FGF18: variants seen among roughly 807,000 people sequenced by gnomAD.
FGF18 encodes the protein fibroblast growth factor 18.
A neutral mutation model predicts 23.0 loss-of-function variants in FGF18; 5 were observed. That is an observed-to-expected ratio of 0.22 (90% CI 0.11 to 0.46). The LOEUF is 0.46. Among genes scored for constraint, FGF18 ranks in the 20% least tolerant of loss-of-function variants. The probability of loss-of-function intolerance (pLI) is 0.99; values close to 1 mark genes in which losing one functional copy is unlikely to be tolerated. For missense variants in FGF18, 180 were observed against 291.6 expected (o/e 0.62, Z 2.79); for synonymous variants, 117 against 118.9 (o/e 0.98, Z 0.10).
intron 4 of FGF18, among the ~76,000 whole-genome samples, chr5:171,452,437 G>A (rs763163484): frequency 1.3e-5 from 2 of 152,182 alleles, no homozygotes; most frequent in African/African-American, 2.4e-5. Flanking sequence ...CTTTCCAGAG[G>A]TTGCAGGCCC....
rs1218727275 is a variant in FGF18, at chr5:171,420,124, A to C, written c.-76A>C. 12 of 1,231,836 alleles carry C rather than the reference A, an allele frequency of 9.7e-6. No individual in the cohort carries two copies. Among genetic ancestry groups the C allele is most frequent in the South Asian group, 2.7e-5 (1 of 36,706 alleles). 76.3% of individuals were successfully genotyped at this position (1,231,836 alleles called of 1,614,324 possible). A position where few individuals can be genotyped will look rare whatever the true frequency, so the allele number is the denominator to read the frequency against. The stretch of plus-strand genomic sequence containing the variant: ...GCGGCGGCGGCGGCGGCGGCGGCGG[A>C]GGCGCCCGGTCCCGGCCGCGCGGAG... On this transcript the variant is annotated 5_prime_UTR_variant, in exon 1 of 5. Coordinates refer to ENST00000274625, the MANE Select transcript of FGF18 (RefSeq NM_003862.3).
intron 3 of FGF18, among the ~76,000 whole-genome samples, chr5:171,443,491 T>A (rs140715996): frequency 1.1e-4 from 15 of 139,614 alleles, no homozygotes; most frequent in South Asian, 2.4e-4. Flanking sequence ...AAGTATTCAC[T>A]GTTATCATCA....
At chr5:171,442,482 T>C (rs1271856318) in intron 3 of FGF18, among the ~76,000 whole-genome samples, 1 of 152,180 alleles carries the variant, frequency 6.6e-6, no homozygotes, top group Non-Finnish European at 1.5e-5. Flanking sequence ...CTGTCAGCAC[T>C]GGGATCTTTG....
At position 171,456,949 on chromosome 5, in the gene FGF18, A is replaced by C; in HGVS notation, c.*144A>C. On this transcript the variant is annotated 3_prime_UTR_variant, in exon 5 of 5. Coordinates refer to ENST00000274625, the MANE Select transcript of FGF18 (RefSeq NM_003862.3). The surrounding 1 kb of genome is among the most constrained non-coding windows in gnomAD (Gnocchi z 6.1). Reference sequence around the variant, plus strand: ...TTAAAAGAAGACAAAAACTGAACCAAAACTCTTGGGGGGAGGGGTGATAAG... The same window carrying C: ...TTAAAAGAAGACAAAAACTGAACCACAACTCTTGGGGGGAGGGGTGATAAG... The C allele has an allele frequency of 1.9e-6, 2 of 1,071,308 alleles. No individual in the cohort carries two copies. Among genetic ancestry groups the C allele is most frequent in the Non-Finnish European group, 2.6e-6 (2 of 766,450 alleles). 66.4% of individuals were successfully genotyped at this position (1,071,308 alleles called of 1,614,324 possible). A position where few individuals can be genotyped will look rare whatever the true frequency, so the allele number is the denominator to read the frequency against.
chr5:171,430,412 A>G (rs1215015270), intron 2 of FGF18, among the ~76,000 whole-genome samples: 1 of 152,064 alleles, frequency 6.6e-6, no homozygotes, highest in Non-Finnish European at 1.5e-5. Context: ...TGGGCATTAC[A>G]TAGGAAGACA....
intron 2 of FGF18, among the ~76,000 whole-genome samples, chr5:171,423,209 C>T (rs1301221649): frequency 2.0e-5 from 3 of 152,222 alleles, no homozygotes; most frequent in East Asian, 1.9e-4. Flanking sequence ...CGCCCTCACC[C>T]GCTGGCCACC....
At chr5:171,448,374 C>T (rs1772448020) in intron 3 of FGF18, among the ~76,000 whole-genome samples, 1 of 152,200 alleles carries the variant, frequency 6.6e-6, no homozygotes, top group South Asian at 2.1e-4. Context: ...TCGCACCTCA[C>T]TCCCTGTGCC....
At position 171,456,485 on chromosome 5, in the gene FGF18, G is replaced by A. The variant is rs969938257; in HGVS notation, c.358-54G>A. On this transcript the variant is annotated intron_variant, in intron 4 of 4. Coordinates refer to ENST00000274625, the MANE Select transcript of FGF18 (RefSeq NM_003862.3). This position sits in a 1 kb window ranked among gnomAD's most constrained non-coding sequence, Gnocchi z 6.1. ...ATAAAACCTTCCTCGCTGTGCTTTG[G>A]CAAGCATAACTGAGTCATTTTTTTC... 8.3e-6 allele frequency: 13 copies of A among 1,559,316 alleles called. No homozygotes were observed. In the Admixed American group the frequency reaches 1.8e-4, roughly 21 times the overall value.
intron 3 of FGF18, among the ~76,000 whole-genome samples, chr5:171,437,612 C>T (rs1772270280): frequency 6.6e-6 from 1 of 152,218 alleles, no homozygotes; most frequent in African/African-American, 2.4e-5. Flanking sequence ...CACAGCTTCC[C>T]TCCTCCCCAC....
At position 171,447,853 on chromosome 5, in the gene FGF18, C is replaced by T. The variant is rs1255963372; in HGVS notation, c.251-1294C>T. Among the ~76,000 whole-genome samples the T allele has an allele frequency of 2.0e-5, 3 of 152,020 alleles. No homozygotes were observed. The East Asian group carries it at 5.8e-4, about 29-fold the overall frequency. On this transcript the variant is annotated intron_variant, in intron 3 of 4. Transcript: ENST00000274625. ...CAAGTCCCTTGTCACTGAAATTAAA[C>T]TTTTGTGGGTGAGGGAGGGGCAGGG...
At chr5:171,439,946 A>G (rs1386624402) in intron 3 of FGF18, among the ~76,000 whole-genome samples, 1 of 152,222 alleles carries the variant, frequency 6.6e-6, no homozygotes, top group Non-Finnish European at 1.5e-5. Flanking sequence ...CCAGACTGAC[A>G]GTGCCCAGAA....
At chr5:171,431,941 G>A (rs1001433783) in intron 2 of FGF18, among the ~76,000 whole-genome samples, 3 of 151,988 alleles carry the variant, frequency 2.0e-5, no homozygotes, top group Non-Finnish European at 2.9e-5. Context: ...CCAGCTACTC[G>A]GGGAGGCTGA....
At chr5:171,424,349 GA>G (rs1171865304) in intron 2 of FGF18, among the ~76,000 whole-genome samples, 1 of 152,204 alleles carries the variant, frequency 6.6e-6, no homozygotes, top group African/African-American at 2.4e-5. Context: ...TTGCATGAAG[GA>G]AAAAGATGGT....
At position 171,419,702 on chromosome 5, in the gene FGF18, G is replaced by C. The variant is rs1227317957; in HGVS notation, c.-498G>C. 6.6e-6 allele frequency: 1 copy of C among 151,644 alleles called. No individual in the cohort carries two copies. The highest frequency in any genetic ancestry group is 1.5e-5 in the Non-Finnish European group (1 of 67,864). 9.4% of individuals were successfully genotyped at this position (151,644 alleles called of 1,614,324 possible). A position where few individuals can be genotyped will look rare whatever the true frequency, so the allele number is the denominator to read the frequency against. ...CGCGGAGGAGGAGACATGAGCCGGC[G>C]GGCGCCCAGACGGAGCGGCCGTGAC... On this transcript the variant is annotated 5_prime_UTR_variant, in exon 1 of 5. Transcript: ENST00000274625.
intron 3 of FGF18, among the ~76,000 whole-genome samples, chr5:171,444,557 C>T (rs1404738430): frequency 7.0e-6 from 1 of 143,554 alleles, no homozygotes; most frequent in Non-Finnish European, 1.5e-5. Context: ...TTACCTAGAT[C>T]TGGCCCAGAA....
At position 171,440,234 on chromosome 5, in the gene FGF18, GT is replaced by G. The variant is rs1187208742; in HGVS notation, c.250+3962del. 6.6e-6 allele frequency among the ~76,000 whole-genome samples: 1 copy of G among 150,872 alleles called. No homozygotes were observed. The highest frequency in any genetic ancestry group is 1.5e-5 in the Non-Finnish European group (1 of 67,748). ...CCTTACTATGGGTGTGTGGGGGGGGGTGGTGCCATCGCGGGCTCAGGTGAGG... is the reference window on the plus strand; with the variant it reads ...CCTTACTATGGGTGTGTGGGGGGGGGGGTGCCATCGCGGGCTCAGGTGAGG... On this transcript the variant is annotated intron_variant, in intron 3 of 4. Transcript: ENST00000274625. The surrounding 1 kb of genome is among the most constrained non-coding windows in gnomAD (Gnocchi z 4.0).
At chr5:171,454,119 A>T (rs1772550507) in intron 4 of FGF18, among the ~76,000 whole-genome samples, 1 of 152,148 alleles carries the variant, frequency 6.6e-6, no homozygotes, top group African/African-American at 2.4e-5. Flanking sequence ...AAGATGGAGT[A>T]TGTGAGCCCA....
rs1561891498 is a variant in FGF18 at position 171,451,532 on chromosome 5, C to G, written c.357+2279C>G. Among the ~76,000 whole-genome samples, 1 of 152,192 alleles carries G rather than the reference C, an allele frequency of 6.6e-6. No homozygotes were observed. The highest frequency in any genetic ancestry group is 1.5e-5 in the Non-Finnish European group (1 of 68,030). On this transcript the variant is annotated intron_variant, in intron 4 of 4. Transcript: ENST00000274625. This position sits in a 1 kb window ranked among gnomAD's most constrained non-coding sequence, Gnocchi z 4.5. ...TCCTACCATCCCGGAAATCGTTGCC[C>G]CAGCCGCCTGGCGTGTGGCTTCTGC...
At chr5:171,445,634 A>G (rs1324509509) in intron 3 of FGF18, among the ~76,000 whole-genome samples, 1 of 151,068 alleles carries the variant, frequency 6.6e-6, no homozygotes, top group African/African-American at 2.5e-5. Flanking sequence ...CCAAAGTGCT[A>G]GGATTACAGG....
Sources: allele counts gnomAD v4.1 joint callset (sites outside exome capture counted in the v4.1 genomes callset), GRCh38; gene constraint gnomAD v4.1.1; non-coding constraint Gnocchi (gnomAD v3.1); transcripts MANE v1.5; gene names NCBI Gene and HGNC (gene_info 2026-07-23, HGNC 2026-07-21).